Variants in PIEZO2 observed in about 807,000 individuals in gnomAD.
PIEZO2 encodes piezo type mechanosensitive ion channel component 2.
In PIEZO2, 172 loss-of-function variants were observed where a neutral mutation model predicts 337.3. That is an observed-to-expected ratio of 0.51 (90% CI 0.45 to 0.58). PIEZO2 has a LOEUF of 0.58. Ranked by LOEUF, PIEZO2 falls within the 20% of genes least tolerant of loss-of-function variation. The probability of loss-of-function intolerance (pLI) is 0.00; values close to 1 mark genes in which losing one functional copy is unlikely to be tolerated. For missense variants in PIEZO2, 3,028 were observed against 3,391.3 expected (o/e 0.89, Z 2.66); for synonymous variants, 1,251 against 1,228.5 (o/e 1.02, Z -0.38).
chr18:10,715,858 A>G, intron 37 of PIEZO2, 42 bp from the exon 38 acceptor site: 2 of 1,429,638 alleles, frequency 1.4e-6, no homozygotes, highest in Middle Eastern at 4.2e-4. Context: ...GGAACAAAAT[A>G]CCATTGATTT....
At position 10,773,763 on chromosome 18, in the gene PIEZO2, G is replaced by A. The variant is rs183016666; in HGVS notation, c.2568-134C>T. On this transcript the variant is annotated intron_variant, in intron 19 of 55. Coordinates refer to ENST00000674853, the MANE Select transcript of PIEZO2 (RefSeq NM_001378183.1). The surrounding 1 kb of genome is among the most constrained non-coding windows in gnomAD (Gnocchi z 5.3). ...AGACCTCACAAGGTGGGGTGTTAGC[G>A]TTTTGTCACTTTCTTTTTGGTTGGT... The A allele has an allele frequency of 8.6e-4, 710 of 824,412 alleles. 1 individual carries two copies. Among genetic ancestry groups the A allele is most frequent in the Middle Eastern group, 5.0e-3 (14 of 2,804 alleles). The allele number at this position is 824,412 out of a possible 1,614,324, so 51.1% of individuals were successfully genotyped here.
intron 1 of PIEZO2, among the ~76,000 whole-genome samples, chr18:11,067,071 C>T (rs912001531): frequency 6.6e-6 from 1 of 152,014 alleles, no homozygotes; most frequent in Non-Finnish European, 1.5e-5. Flanking sequence ...GAGAAAATCA[C>T]CAAATCACAA....
intron 1 of PIEZO2, among the ~76,000 whole-genome samples, chr18:11,138,025 G>GCA (rs2040540002): frequency 6.6e-6 from 1 of 152,062 alleles, no homozygotes. Context: ...AAGTCACAGA[G>GCA]TATATATTAG....
At position 10,886,380 on chromosome 18, in the gene PIEZO2, GTATATATATATATA is replaced by G. The variant is rs1173330460; in HGVS notation, c.330-14979_330-14966del. On this transcript the variant is annotated intron_variant, in intron 4 of 55. Coordinates refer to ENST00000674853, the MANE Select transcript of PIEZO2 (RefSeq NM_001378183.1). ...CACACACATATATATGTGTGTGTGT[GTATATATATATATA>G]TATATATATATATATATATATATAT... Among the ~76,000 whole-genome samples the G allele has an allele frequency of 6.6e-4, 2 of 3,036 alleles. 1 individual carries two copies. The highest frequency in any genetic ancestry group is 8.6e-4 in the Non-Finnish European group (2 of 2,320). 2.0% of individuals were successfully genotyped at this position (3,036 alleles called of 152,430 possible).
chr18:10,886,724 A>C (rs1333037139), intron 4 of PIEZO2, among the ~76,000 whole-genome samples: 2 of 151,712 alleles, frequency 1.3e-5, no homozygotes, highest in African/African-American at 4.8e-5. Context: ...ACAGTTGACC[A>C]TAAGTAACTG....
Position 10,980,010 on chromosome 18 carries a change from A to T in PIEZO2, c.161-350T>A, listed in dbSNP as rs1270178822. ...CAGATAACTCCTGTCTTAGAAAAATAATTCTAGGAAGTACAAAAGGAAGAA... is the reference window on the plus strand; with the variant it reads ...CAGATAACTCCTGTCTTAGAAAAATTATTCTAGGAAGTACAAAAGGAAGAA... On this transcript the variant is annotated intron_variant, in intron 2 of 55. Transcript: ENST00000674853. The surrounding 1 kb of genome is among the most constrained non-coding windows in gnomAD (Gnocchi z 4.8). 6.6e-6 allele frequency among the ~76,000 whole-genome samples: 1 copy of T among 152,208 alleles called. No homozygotes were observed. The highest frequency in any genetic ancestry group is 2.4e-5 in the African/African-American group (1 of 41,470).
At chr18:11,044,098 C>G (rs2037217089) in intron 2 of PIEZO2, among the ~76,000 whole-genome samples, 1 of 151,082 alleles carries the variant, frequency 6.6e-6, no homozygotes, top group Non-Finnish European at 1.5e-5. Context: ...ACTTTAGAAT[C>G]CAAAATTGAG....
intron 3 of PIEZO2, among the ~76,000 whole-genome samples, chr18:10,956,328 A>G (rs940378825): frequency 5.3e-5 from 8 of 152,354 alleles, no homozygotes; most frequent in African/African-American, 1.9e-4. Context: ...TTTAACCAGG[A>G]GAGGAAAGAG....
At chr18:10,892,848 A>C (rs1483332198) in intron 4 of PIEZO2, among the ~76,000 whole-genome samples, 1 of 152,258 alleles carries the variant, frequency 6.6e-6, no homozygotes, top group Non-Finnish European at 1.5e-5. Flanking sequence ...TATTTTAAAC[A>C]AGCTACATCT....
intron 3 of PIEZO2, among the ~76,000 whole-genome samples, chr18:10,915,524 T>C (rs1282183090): frequency 8.5e-5 from 13 of 152,178 alleles, no homozygotes; most frequent in Non-Finnish European, 1.2e-4. Context: ...CCATCTTTAG[T>C]CCTATTTTAA....
chr18:10,888,055 C>G lies in PIEZO2; in HGVS notation c.330-16640G>C, dbSNP rs1274238424. On this transcript the variant is annotated intron_variant, in intron 4 of 55. Coordinates refer to ENST00000674853, the MANE Select transcript of PIEZO2 (RefSeq NM_001378183.1). The surrounding 1 kb of genome is among the most constrained non-coding windows in gnomAD (Gnocchi z 4.1). ...TCAAGCTTCCACCCACCAACTTTAG[C>G]AGACATTAATGACTCCTGCCTGTAT... is the stretch of plus-strand genomic sequence containing the variant. Among the ~76,000 whole-genome samples, 1 of 152,230 alleles carries G rather than the reference C, an allele frequency of 6.6e-6. No individual in the cohort carries two copies.
In PIEZO2 at chr18:11,102,240, T is replaced by C. The variant is rs2039441959; in HGVS notation, c.65-36018A>G. On this transcript the variant is annotated intron_variant, in intron 1 of 55. Transcript: ENST00000674853. This position sits in a 1 kb window ranked among gnomAD's most constrained non-coding sequence, Gnocchi z 5.7. Reference sequence around the variant, plus strand: ...TAAATTAATGAGATAAAAAATACATTCTAATTTAAAATGTATCCAGTGAGC... The same window carrying C: ...TAAATTAATGAGATAAAAAATACATCCTAATTTAAAATGTATCCAGTGAGC... 6.6e-6 allele frequency among the ~76,000 whole-genome samples: 1 copy of C among 152,224 alleles called. No homozygotes were observed. Among genetic ancestry groups the C allele is most frequent in the Non-Finnish European group, 1.5e-5 (1 of 68,038 alleles).
chr18:11,041,890 C>T (rs78857413), intron 2 of PIEZO2, among the ~76,000 whole-genome samples: 1,999 of 152,280 alleles, frequency 0.013, 56 homozygotes, highest in African/African-American at 0.045. Context: ...TGAAAACTAT[C>T]TCTAGGACTG....
chr18:11,020,792 A>G (rs1306623558), intron 2 of PIEZO2, among the ~76,000 whole-genome samples: 1 of 152,254 alleles, frequency 6.6e-6, no homozygotes, highest in Admixed American at 6.5e-5. Context: ...GAAGCCTGGC[A>G]GAGAGCTTTC....
At chr18:11,095,323 A>G (rs1369797706) in intron 1 of PIEZO2, among the ~76,000 whole-genome samples, 1 of 152,210 alleles carries the variant, frequency 6.6e-6, no homozygotes, top group Non-Finnish European at 1.5e-5. Context: ...TTGCCATGCC[A>G]GGAAGACACA....
chr18:10,726,699 G>T lies in PIEZO2; in HGVS notation c.5029+4708C>A. ...CAAGTTAATTCAGCAAGGACCAGGT[G>T]TACCTGAACGGCATCCTGTGCATTC... On this transcript the variant is annotated intron_variant, in intron 36 of 55. Coordinates refer to ENST00000674853, the MANE Select transcript of PIEZO2 (RefSeq NM_001378183.1). The surrounding 1 kb of genome is among the most constrained non-coding windows in gnomAD (Gnocchi z 5.9). 19 of 1,427,148 alleles carry T rather than the reference G, an allele frequency of 1.3e-5. No homozygotes were observed. Among genetic ancestry groups the T allele is most frequent in the Non-Finnish European group, 1.9e-5 (19 of 1,021,424 alleles). 88.4% of individuals were successfully genotyped at this position (1,427,148 alleles called of 1,614,324 possible).
At chr18:10,956,324 C>G (rs1252448364) in intron 3 of PIEZO2, among the ~76,000 whole-genome samples, 2 of 151,826 alleles carry the variant, frequency 1.3e-5, no homozygotes, top group Non-Finnish European at 2.9e-5. Flanking sequence ...TAAATTTAAC[C>G]AGGAGAGGAA....
chr18:10,734,343 G>A (rs1351065929), intron 35 of PIEZO2, among the ~76,000 whole-genome samples: 4 of 152,206 alleles, frequency 2.6e-5, no homozygotes, highest in Admixed American at 6.5e-5. Flanking sequence ...GCCCAGCCAC[G>A]GTTGTGCTTC....
At chr18:10,777,364 C>G (rs1275626862) in intron 18 of PIEZO2, among the ~76,000 whole-genome samples, 1 of 152,182 alleles carries the variant, frequency 6.6e-6, no homozygotes, top group East Asian at 1.9e-4. Flanking sequence ...CCATTTGTGA[C>G]TCTGTCATTT....
Sources: gnomAD v4.1 joint callset for allele counts (sites outside exome capture counted in the v4.1 genomes callset) on GRCh38, gnomAD v4.1.1 for gene constraint, Gnocchi (gnomAD v3.1) non-coding constraint, MANE v1.5 for transcripts, NCBI Gene and HGNC (gene_info 2026-07-23, HGNC 2026-07-21) for gene names.